MACROD2: variants seen among roughly 807,000 people sequenced by gnomAD.
MACROD2 encodes the protein ADP-ribose glycohydrolase MACROD2.
MACROD2 carries 36 observed loss-of-function variants against 70.4 expected under a neutral mutation model. The ratio of observed to expected loss-of-function variants is 0.51; its 90% CI spans 0.39 to 0.68. The LOEUF (loss-of-function observed/expected upper bound fraction) is 0.68, where lower values mean the gene tolerates loss of function less well. MACROD2 is among the 30% of genes least tolerant of loss of function. The pLI is 0.00. For synonymous variants in MACROD2, 172 were observed against 178.8 expected (o/e 0.96, Z 0.30); for missense variants, 496 against 538.4 (o/e 0.92, Z 0.78).
chr20:14,866,067 G>A (rs993448470), intron 5 of MACROD2, among the ~76,000 whole-genome samples: 5 of 151,998 alleles, frequency 3.3e-5, no homozygotes, highest in African/African-American at 1.2e-4. Context: ...AGGATTCCTG[G>A]CAAATGATAG....
chr20:15,545,681 A>T (rs1227949863), intron 8 of MACROD2, among the ~76,000 whole-genome samples: 1 of 152,208 alleles, frequency 6.6e-6, no homozygotes, highest in African/African-American at 2.4e-5. Flanking sequence ...CTCGAGGATT[A>T]GAGAGTTTCC....
In MACROD2 at chr20:14,679,797, G is replaced by C. The variant is rs530868389; in HGVS notation, c.302-5046G>C. On this transcript the variant is annotated intron_variant, in intron 4 of 17. Transcript: ENST00000684519. Reference sequence around the variant, plus strand: ...AATAATAGGAGATCATATTTTAATTGAAAGTGTGGTATGTAGTTCCATTGT... The same window carrying C: ...AATAATAGGAGATCATATTTTAATTCAAAGTGTGGTATGTAGTTCCATTGT... 2.6e-5 allele frequency among the ~76,000 whole-genome samples: 4 copies of C among 152,172 alleles called. No homozygotes were observed. The South Asian group carries it at 8.3e-4, about 32-fold the overall frequency.
intron 8 of MACROD2, among the ~76,000 whole-genome samples, chr20:15,636,357 A>G (rs1260688652): frequency 6.6e-6 from 1 of 152,216 alleles, no homozygotes; most frequent in Non-Finnish European, 1.5e-5. Context: ...AAGCAAGTCC[A>G]TATCAGCTTC....
rs529299038 is a variant in MACROD2 at position 14,652,276 on chromosome 20, A to AT, written c.302-32563dup. 9.7e-4 allele frequency among the ~76,000 whole-genome samples: 148 copies of AT among 152,334 alleles called. 1 individual carries two copies. The highest frequency in any genetic ancestry group is 9.1e-3 in the South Asian group (44 of 4,830). ...TTTCAGTGTTCTGGTATTAACAATAATTTTACACATTTCAAAATTATAGTG... is the reference window on the plus strand; with the variant it reads ...TTTCAGTGTTCTGGTATTAACAATAATTTTTACACATTTCAAAATTATAGTG... On this transcript the variant is annotated intron_variant, in intron 4 of 17. Coordinates refer to ENST00000684519, the MANE Select transcript of MACROD2 (RefSeq NM_001351661.2).
chr20:15,348,279 A>G (rs1006116208), intron 6 of MACROD2, among the ~76,000 whole-genome samples: 1 of 152,200 alleles, frequency 6.6e-6, no homozygotes, highest in Non-Finnish European at 1.5e-5. Context: ...CCTGGGAAGA[A>G]CCATCCAACC....
intron 2 of MACROD2, among the ~76,000 whole-genome samples, chr20:14,021,112 C>T (rs1053185781): frequency 6.6e-6 from 1 of 151,388 alleles, no homozygotes; most frequent in African/African-American, 2.4e-5. Flanking sequence ...GCCTCAGCCT[C>T]CCGAGTAGCT....
chr20:14,038,432 A>G (rs2053347362), intron 2 of MACROD2, among the ~76,000 whole-genome samples: 1 of 152,254 alleles, frequency 6.6e-6, no homozygotes. Context: ...TCTTTTTACA[A>G]ATCAGGAAAC....
intron 6 of MACROD2, among the ~76,000 whole-genome samples, chr20:15,357,390 T>C (rs992549558): frequency 1.3e-5 from 2 of 152,190 alleles, no homozygotes; most frequent in African/African-American, 2.4e-5. Flanking sequence ...GTAGCTTTAA[T>C]AGAAATTTCA....
chr20:15,274,213 G>C (rs373389225), intron 6 of MACROD2, among the ~76,000 whole-genome samples: 3 of 152,146 alleles, frequency 2.0e-5, no homozygotes, highest in South Asian at 2.1e-4. Context: ...CAGCCATCAG[G>C]ATCTATTTGT....
At chr20:16,021,350 G>C (rs1181594668) in intron 15 of MACROD2, among the ~76,000 whole-genome samples, 1 of 152,126 alleles carries the variant, frequency 6.6e-6, no homozygotes, top group Non-Finnish European at 1.5e-5. Flanking sequence ...CTCCAATAAG[G>C]AGACACCTAG....
At chr20:15,008,602 G>C (rs1258156429) in intron 5 of MACROD2, among the ~76,000 whole-genome samples, 2 of 152,096 alleles carry the variant, frequency 1.3e-5, no homozygotes, top group Non-Finnish European at 2.9e-5. Flanking sequence ...GTATTACTAA[G>C]CAGAAATAAT....
At chr20:14,417,864 T>C (rs530826571) in intron 3 of MACROD2, among the ~76,000 whole-genome samples, 1 of 152,306 alleles carries the variant, frequency 6.6e-6, no homozygotes, top group South Asian at 2.1e-4. Flanking sequence ...AAAAATACAT[T>C]GTATGGTAAC....
chr20:13,995,820 C>A lies in MACROD2; in HGVS notation c.46+11C>A. 2 of 1,243,252 alleles carry A rather than the reference C, an allele frequency of 1.6e-6. No individual in the cohort carries two copies. Among genetic ancestry groups the A allele is most frequent in the Non-Finnish European group, 1.1e-6 (1 of 910,054 alleles). The allele number at this position is 1,243,252 out of a possible 1,614,324, so 77.0% of individuals were successfully genotyped here. A position where few individuals can be genotyped will look rare whatever the true frequency, so the allele number is the denominator to read the frequency against. Reference sequence around the variant, plus strand: ...GGAGAGAGGAGAAAGGTAACCGGCCCGTCGAGTCCTGGGGGTGCGGGCGGT... The same window carrying A: ...GGAGAGAGGAGAAAGGTAACCGGCCAGTCGAGTCCTGGGGGTGCGGGCGGT... On this transcript the variant is annotated intron_variant, in intron 1 of 17. Coordinates refer to ENST00000684519, the MANE Select transcript of MACROD2 (RefSeq NM_001351661.2). The surrounding 1 kb of genome is among the most constrained non-coding windows in gnomAD (Gnocchi z 4.3).
chr20:15,784,310 T>C (rs1426943346), intron 8 of MACROD2, among the ~76,000 whole-genome samples: 1 of 151,814 alleles, frequency 6.6e-6, no homozygotes, highest in Admixed American at 6.6e-5. Flanking sequence ...CAAGAAAAAT[T>C]AGCTCTGAGG....
rs190793018 is a variant in MACROD2 at position 14,751,413 on chromosome 20, A to G, written c.418+66454A>G. The stretch of plus-strand genomic sequence containing the variant: ...TCCCTCAAATCCATGTGCTTCTTCC[A>G]TTACTCTGTCTCTTTTCTTCTTTGC... On this transcript the variant is annotated intron_variant, in intron 5 of 17. Coordinates refer to ENST00000684519, the MANE Select transcript of MACROD2 (RefSeq NM_001351661.2). Among the ~76,000 whole-genome samples, 10 of 151,966 alleles carry G rather than the reference A, an allele frequency of 6.6e-5. No individual in the cohort carries two copies. The East Asian group carries it at 1.7e-3, about 26-fold the overall frequency.
chr20:14,249,134 T>C (rs2081990441), intron 3 of MACROD2, among the ~76,000 whole-genome samples: 1 of 149,004 alleles, frequency 6.7e-6, no homozygotes. Flanking sequence ...AAAGGTTTTT[T>C]TTTTTTTTTT....
intron 5 of MACROD2, among the ~76,000 whole-genome samples, chr20:14,902,033 AGAT>A (rs758703363): frequency 2.4e-4 from 36 of 152,308 alleles, no homozygotes; most frequent in Middle Eastern, 3.4e-3. Context: ...ATTTCTGAAA[AGAT>A]GATTTTAAAG....
chr20:15,461,006 A>ATATATATATATATTTTTTTTTTTTT, intron 7 of MACROD2, among the ~76,000 whole-genome samples: 5 of 66,986 alleles, frequency 7.5e-5, no homozygotes, highest in African/African-American at 2.1e-4. Context: ...ATATATATAT[A>ATATATATATATATTTTTTTTTTTTT]TTTTTTTTTA....
At chr20:15,069,141 A>G (rs1312060716) in intron 5 of MACROD2, among the ~76,000 whole-genome samples, 1 of 152,200 alleles carries the variant, frequency 6.6e-6, no homozygotes, top group Non-Finnish European at 1.5e-5. Context: ...CCTCTGTGGA[A>G]GGTGAAACTT....
Sources: gnomAD v4.1 joint callset for allele counts (sites outside exome capture counted in the v4.1 genomes callset) on GRCh38, gnomAD v4.1.1 for gene constraint, Gnocchi (gnomAD v3.1) non-coding constraint, MANE v1.5 for transcripts, NCBI Gene and HGNC (gene_info 2026-07-23, HGNC 2026-07-21) for gene names.